The following SLC25A24 variants were observed in gnomAD, a reference collection of about 807,000 sequenced individuals.
The protein encoded by SLC25A24 is mitochondrial adenyl nucleotide antiporter SLC25A24.
SLC25A24 carries 49 observed loss-of-function variants against 60.7 expected under a neutral mutation model. The observed-to-expected ratio is 0.81, with a 90% CI of 0.64 to 1.02. The LOEUF (loss-of-function observed/expected upper bound fraction) is 1.02, where lower values mean the gene tolerates loss of function less well. Ranked by LOEUF, SLC25A24 falls within the 50% of genes least tolerant of loss-of-function variation. SLC25A24 has a pLI of 0.00. For synonymous variants in SLC25A24, 202 were observed against 200.6 expected (o/e 1.01, Z -0.06); for missense variants, 564 against 586.3 (o/e 0.96, Z 0.39).
intron 1 of SLC25A24, among the ~76,000 whole-genome samples, chr1:108,188,119 C>T (rs562670112): frequency 2.0e-5 from 3 of 151,674 alleles, no homozygotes; most frequent in South Asian, 2.1e-4. Context: ...AGCGAATCAA[C>T]GCAGAAATAG....
chr1:108,164,722 G>A (rs1486422764), intron 3 of SLC25A24, among the ~76,000 whole-genome samples: 1 of 147,656 alleles, frequency 6.8e-6, no homozygotes, highest in African/African-American at 2.6e-5. Flanking sequence ...TATCAATTTT[G>A]TTGATCCTTT....
chr1:108,176,777 A>G (rs886458386), intron 3 of SLC25A24, among the ~76,000 whole-genome samples: 1 of 152,174 alleles, frequency 6.6e-6, no homozygotes, highest in Non-Finnish European at 1.5e-5. Flanking sequence ...TACCCAGCAA[A>G]GTGTCCTTCA....
chr1:108,173,266 G>C (rs1647543109), intron 3 of SLC25A24, among the ~76,000 whole-genome samples: 1 of 152,140 alleles, frequency 6.6e-6, no homozygotes, highest in Admixed American at 6.5e-5. Flanking sequence ...CAGCTGGTGG[G>C]AGGTAATTGA....
At chr1:108,168,467 G>A (rs1647306388) in intron 3 of SLC25A24, among the ~76,000 whole-genome samples, 1 of 152,096 alleles carries the variant, frequency 6.6e-6, no homozygotes, top group South Asian at 2.1e-4. Flanking sequence ...GCCTGCCACT[G>A]AGTATTTATT....
At chr1:108,184,633 G>A (rs2101640224) in intron 2 of SLC25A24, among the ~76,000 whole-genome samples, 1 of 152,294 alleles carries the variant, frequency 6.6e-6, no homozygotes, top group East Asian at 1.9e-4. Context: ...CAAATAAGGT[G>A]TATTAACTAT....
chr1:108,182,469 A>G (rs144759168), intron 2 of SLC25A24, among the ~76,000 whole-genome samples: 2 of 152,332 alleles, frequency 1.3e-5, no homozygotes, highest in East Asian at 3.9e-4. Flanking sequence ...AAAACATCAT[A>G]TATGACTGAG....
At chr1:108,164,509 G>T (rs1446259393) in intron 3 of SLC25A24, among the ~76,000 whole-genome samples, 1 of 152,066 alleles carries the variant, frequency 6.6e-6, no homozygotes, top group Non-Finnish European at 1.5e-5. Flanking sequence ...CTTCTTCCTG[G>T]TTTAGTCTTG....
At chr1:108,145,526 A>C (rs764735879) in intron 7 of SLC25A24, among the ~76,000 whole-genome samples, 1 of 151,806 alleles carries the variant, frequency 6.6e-6, no homozygotes, top group Non-Finnish European at 1.5e-5. Flanking sequence ...GTTTTTTTCT[A>C]GGGATTTTAT....
intron 1 of SLC25A24, among the ~76,000 whole-genome samples, chr1:108,196,976 A>G (rs1648517840): frequency 6.6e-6 from 1 of 152,230 alleles, no homozygotes; most frequent in South Asian, 2.1e-4. Context: ...TTCTACTCTC[A>G]GTCTATACCC....
Position 108,192,555 on chromosome 1 carries a change from A to C in SLC25A24, c.184-6601T>G, listed in dbSNP as rs747736035. On this transcript the variant is annotated intron_variant, in intron 1 of 9. Transcript: ENST00000565488. ...TCCTCCAGGCCTTCCTGAAGCTCAA[A>C]AATGTCCAAGGTCCCATCCTTGTTA... 5 of 1,499,748 alleles carry C rather than the reference A, an allele frequency of 3.3e-6. 1 individual carries two copies. The African/African-American group carries it at 6.8e-5, about 20-fold the overall frequency. The allele number at this position is 1,499,748 out of a possible 1,614,324, so 92.9% of individuals were successfully genotyped here. A position where few individuals can be genotyped will look rare whatever the true frequency, so the allele number is the denominator to read the frequency against.
chr1:108,198,866 T>C (rs971734551), intron 1 of SLC25A24: 11 of 152,228 alleles, frequency 7.2e-5, no homozygotes, highest in African/African-American at 2.7e-4. Context: ...TGATTGGACA[T>C]GGTGGGGAAC....
Position 108,182,107 on chromosome 1 carries a change from AT to A in SLC25A24, c.311-80del, listed in dbSNP as rs1647951481. 6.0e-6 allele frequency: 6 copies of A among 997,136 alleles called. No individual in the cohort carries two copies. The East Asian group carries it at 1.5e-4, about 24-fold the overall frequency. 61.8% of individuals were successfully genotyped at this position (997,136 alleles called of 1,614,324 possible). On this transcript the variant is annotated intron_variant, in intron 2 of 9. Transcript: ENST00000565488. ...AGAAATTATGAATTTCAAATCTCTC[AT>A]TTAAGAGAAAGCTTTAAACTGATTA... is the stretch of plus-strand genomic sequence containing the variant.
At chr1:108,173,586 G>C (rs1473865537) in intron 3 of SLC25A24, among the ~76,000 whole-genome samples, 1 of 152,122 alleles carries the variant, frequency 6.6e-6, no homozygotes, top group Non-Finnish European at 1.5e-5. Context: ...GCTACTATAA[G>C]GATACCCAAA....
chr1:108,172,701 T>G (rs1264680731), intron 3 of SLC25A24, among the ~76,000 whole-genome samples: 3 of 152,146 alleles, frequency 2.0e-5, no homozygotes. Flanking sequence ...TAAGCACCAT[T>G]CAGATGTTTT....
rs543170420 is a variant in SLC25A24, at chr1:108,191,291, G to A, written c.184-5337C>T. On this transcript the variant is annotated intron_variant, in intron 1 of 9. Coordinates refer to ENST00000565488, the MANE Select transcript of SLC25A24 (RefSeq NM_013386.5). ...ACTACACACACCCACCACCACACCC[G>A]GTTAATTTTTGCATTTTTAGTAGAG... 9.4e-5 allele frequency among the ~76,000 whole-genome samples: 13 copies of A among 137,880 alleles called. 5 individuals are homozygous for A. In the East Asian group the frequency reaches 3.5e-3, roughly 37 times the overall value. The allele number at this position is 137,880 out of a possible 152,430, so 90.5% of individuals were successfully genotyped here.
At position 108,159,653 on chromosome 1, in the gene SLC25A24, G is replaced by C. The variant is rs1387430117; in HGVS notation, c.510+1529C>G. Among the ~76,000 whole-genome samples, 14 of 151,768 alleles carry C rather than the reference G, an allele frequency of 9.2e-5. No individual in the cohort carries two copies. In the South Asian group the frequency reaches 2.1e-3, roughly 23 times the overall value. ...GTGTCCCTGGGTACTTGAGATTAGG[G>C]AGTGGTGATGACTCTTAACGAGCCT... On this transcript the variant is annotated intron_variant, in intron 4 of 9. Transcript: ENST00000565488.
chr1:108,198,673 A>G (rs1648571336), intron 1 of SLC25A24: 1 of 152,202 alleles, frequency 6.6e-6, no homozygotes, highest in Non-Finnish European at 1.5e-5. Context: ...AATCTTAAAA[A>G]TCATTGAGCA....
rs750340704 is a variant in SLC25A24, at chr1:108,148,307, G to A, written c.902C>T (p.Thr301Ile). ...CATTGGATATATAAAAGTCTGTGCAGTTGCTCCAGCCATGGAACCAGAAAT... is the reference window on the plus strand; with the variant it reads ...CATTGGATATATAAAAGTCTGTGCAATTGCTCCAGCCATGGAACCAGAAAT... Reference protein sequence around the residue: ...RFISGSMAGATAQTFIYPMEV... With the variant: ...RFISGSMAGAIAQTFIYPMEV... The change falls in exon 7 of 10, where the codon ACT (threonine) becomes ATT (isoleucine). Residue 301 changes from threonine to isoleucine, a missense_variant. Physicochemically the swap from Thr to Ile is moderately conservative, Grantham distance 89. Coordinates refer to ENST00000565488, the MANE Select transcript of SLC25A24 (RefSeq NM_013386.5). 1 of 1,611,616 alleles carries A rather than the reference G, an allele frequency of 6.2e-7. No homozygotes were observed. Among genetic ancestry groups the A allele is most frequent in the Admixed American group, 1.7e-5 (1 of 60,002 alleles).
chr1:108,194,681 A>G (rs1199071040), intron 1 of SLC25A24, among the ~76,000 whole-genome samples: 1 of 152,230 alleles, frequency 6.6e-6, no homozygotes, highest in African/African-American at 2.4e-5. Context: ...ACACACACAC[A>G]CAGACCTACT....
Sources: allele counts gnomAD v4.1 joint callset (sites outside exome capture counted in the v4.1 genomes callset), GRCh38; gene constraint gnomAD v4.1.1; transcripts MANE v1.5; gene names NCBI Gene and HGNC (gene_info 2026-07-23, HGNC 2026-07-21).